TTBK2: variants seen among roughly 807,000 people sequenced by gnomAD.
TTBK2 encodes tau-tubulin kinase 2.
A neutral mutation model predicts 110.8 loss-of-function variants in TTBK2; 28 were observed. The ratio of observed to expected loss-of-function variants is 0.25; its 90% CI spans 0.19 to 0.35. The LOEUF is 0.35. Ranked by LOEUF, TTBK2 falls within the 10% of genes least tolerant of loss-of-function variation. The probability of loss-of-function intolerance (pLI) is 1.00; values close to 1 mark genes in which losing one functional copy is unlikely to be tolerated. For synonymous variants in TTBK2, 532 were observed against 527.3 expected (o/e 1.01, Z -0.12); for missense variants, 1,369 against 1,500.3 (o/e 0.91, Z 1.45).
At chr15:42,768,745 A>T (rs1478182798) in intron 13 of TTBK2, among the ~76,000 whole-genome samples, 4 of 152,198 alleles carry the variant, frequency 2.6e-5, no homozygotes, top group African/African-American at 9.7e-5. Flanking sequence ...TCTTCACAGA[A>T]TTGGAAAAAA....
intron 5 of TTBK2, 37 bp from the exon 6 acceptor site, chr15:42,828,069 T>A: frequency 2.1e-6 from 3 of 1,444,786 alleles, no homozygotes; most frequent in African/African-American, 1.4e-5. Flanking sequence ...TACATTCTTA[T>A]AATACTTAGT....
intron 3 of TTBK2, among the ~76,000 whole-genome samples, chr15:42,863,857 G>A (rs1595997336): frequency 1.3e-5 from 2 of 152,330 alleles, no homozygotes; most frequent in East Asian, 3.9e-4. Flanking sequence ...AATAAATGGT[G>A]CTGGGATAAC....
At chr15:42,835,741 A>G (rs894357950) in intron 4 of TTBK2, among the ~76,000 whole-genome samples, 2 of 152,174 alleles carry the variant, frequency 1.3e-5, no homozygotes, top group African/African-American at 2.4e-5. Context: ...ACTTTAAGAA[A>G]AAAAAGAGTT....
At chr15:42,821,945 C>G (rs764414538) in intron 6 of TTBK2, among the ~76,000 whole-genome samples, 53 of 151,776 alleles carry the variant, frequency 3.5e-4, no homozygotes, top group Non-Finnish European at 6.6e-4. Context: ...CTGCCTTGGC[C>G]TCCCAAAGTG....
intron 3 of TTBK2, among the ~76,000 whole-genome samples, chr15:42,856,538 G>A (rs925748883): frequency 7.9e-5 from 12 of 152,102 alleles, no homozygotes; most frequent in African/African-American, 2.9e-4. Flanking sequence ...TTAAATACTG[G>A]ATAGATATGA....
intron 3 of TTBK2, among the ~76,000 whole-genome samples, chr15:42,841,442 C>A (rs58754188): frequency 6.6e-6 from 1 of 152,014 alleles, no homozygotes; most frequent in Non-Finnish European, 1.5e-5. Flanking sequence ...AACTCCGGGG[C>A]TCAAGCGATC....
chr15:42,904,910 C>T (rs1359730229), intron 1 of TTBK2, among the ~76,000 whole-genome samples: 11 of 150,900 alleles, frequency 7.3e-5, no homozygotes, highest in African/African-American at 2.7e-4. Context: ...CTTACTCTGT[C>T]GCCCAAGCTG....
intron 14 of TTBK2, among the ~76,000 whole-genome samples, chr15:42,749,828 G>A (rs1006770140): frequency 3.3e-5 from 5 of 152,104 alleles, no homozygotes; most frequent in African/African-American, 1.2e-4. Flanking sequence ...ACTATGCTTA[G>A]TCAGGAAAAA....
At chr15:42,913,671 C>T (rs910515881) in intron 1 of TTBK2, among the ~76,000 whole-genome samples, 2 of 152,028 alleles carry the variant, frequency 1.3e-5, no homozygotes, top group African/African-American at 4.8e-5. Flanking sequence ...CTTTACAGGT[C>T]AGTATGGTTA....
At chr15:42,837,252 G>A (rs939021064) in intron 4 of TTBK2, among the ~76,000 whole-genome samples, 13 of 151,684 alleles carry the variant, frequency 8.6e-5, no homozygotes, top group Non-Finnish European at 1.3e-4. Context: ...CAGCTACACC[G>A]GAGGCTGAGG....
intron 9 of TTBK2, among the ~76,000 whole-genome samples, chr15:42,809,903 A>C (rs1430927371): frequency 1.3e-5 from 2 of 152,236 alleles, no homozygotes; most frequent in African/African-American, 2.4e-5. Context: ...GTAGAATTTA[A>C]CTACCATTAA....
At position 42,878,538 on chromosome 15, in the gene TTBK2, T is replaced by C; in HGVS notation, c.69+11A>G. 1 of 1,607,692 alleles carries C rather than the reference T, an allele frequency of 6.2e-7. No homozygotes were observed. Among genetic ancestry groups the C allele is most frequent in the Non-Finnish European group, 8.5e-7 (1 of 1,178,774 alleles). ...ACACACACACACACACTCTCTGAGA[T>C]GTACACTCACCACTTTCCATCTTTC... On this transcript the variant is annotated intron_variant, in intron 2 of 14. Transcript: ENST00000267890.
chr15:42,828,691 C>A (rs1223774634), intron 5 of TTBK2, among the ~76,000 whole-genome samples: 8 of 150,246 alleles, frequency 5.3e-5, no homozygotes, highest in African/African-American at 1.7e-4. Flanking sequence ...CCACGGCACT[C>A]CAGCCTGGGT....
At chr15:42,771,407 A>G (rs1889672117) in intron 13 of TTBK2, among the ~76,000 whole-genome samples, 1 of 152,212 alleles carries the variant, frequency 6.6e-6, no homozygotes. Context: ...TCCTGTAAAC[A>G]GCCCCACTAC....
At chr15:42,814,954 C>T (rs929111866) in intron 7 of TTBK2, among the ~76,000 whole-genome samples, 2 of 152,158 alleles carry the variant, frequency 1.3e-5, no homozygotes, top group Non-Finnish European at 2.9e-5. Context: ...GAAGAAATTG[C>T]CACTGTCTAA....
At chr15:42,784,127 G>A (rs754315976) in intron 10 of TTBK2, among the ~76,000 whole-genome samples, 68 of 151,850 alleles carry the variant, frequency 4.5e-4, no homozygotes, top group South Asian at 1.2e-3. Context: ...CCAATCCTAC[G>A]AAATAAAACT....
At chr15:42,801,874 T>C (rs1399788975) in intron 9 of TTBK2, 1 of 1,138,658 alleles carries the variant, frequency 8.8e-7, no homozygotes, top group South Asian at 1.2e-5. Flanking sequence ...GATCTCAACC[T>C]CATACTTGTT....
rs2061771336 is a variant in TTBK2 at position 42,744,866 on chromosome 15, C to G, written c.*929G>C. ...ATGCTGATATTACAAACAGTTGGAA[C>G]CCAGAAGACTTAAGGAAGCAGTCTA... On this transcript the variant is annotated 3_prime_UTR_variant, in exon 15 of 15. Transcript: ENST00000267890. The G allele has an allele frequency of 6.5e-6, 1 of 153,014 alleles. No homozygotes were observed. The highest frequency in any genetic ancestry group is 1.5e-5 in the Non-Finnish European group (1 of 68,174). 9.5% of individuals were successfully genotyped at this position (153,014 alleles called of 1,614,324 possible). A position where few individuals can be genotyped will look rare whatever the true frequency, so the allele number is the denominator to read the frequency against.
chr15:42,842,684 G>A (rs1241096029), intron 3 of TTBK2, among the ~76,000 whole-genome samples: 4 of 151,040 alleles, frequency 2.6e-5, no homozygotes. Context: ...CCAGGAGTTT[G>A]AGACCAGCCT....
Sources: allele counts gnomAD v4.1 joint callset (sites outside exome capture counted in the v4.1 genomes callset), GRCh38; gene constraint gnomAD v4.1.1; transcripts MANE v1.5; gene names NCBI Gene and HGNC (gene_info 2026-07-23, HGNC 2026-07-21).